The following ELAC1 variants were observed in gnomAD, a reference collection of about 807,000 sequenced individuals.
The protein encoded by ELAC1 is elaC ribonuclease Z 1.
A neutral mutation model predicts 25.8 loss-of-function variants in ELAC1; 19 were observed. That is an observed-to-expected ratio of 0.74 (90% CI 0.51 to 1.08). The LOEUF is 1.08. ELAC1 is among the 50% of genes least tolerant of loss of function. ELAC1 has a pLI of 0.00. For synonymous variants in ELAC1, 148 were observed against 160.9 expected (o/e 0.92, Z 0.61); for missense variants, 403 against 434.6 (o/e 0.93, Z 0.65).
At position 50,987,141 on chromosome 18, in the gene ELAC1, A is replaced by C; in HGVS notation, c.*56A>C. Reference sequence around the variant, plus strand: ...TCTGTGAATATGTTACTGAACCTATAGTCCAGTTTTTTTATTTCTTGTTTT... The same window carrying C: ...TCTGTGAATATGTTACTGAACCTATCGTCCAGTTTTTTTATTTCTTGTTTT... On this transcript the variant is annotated 3_prime_UTR_variant, in exon 4 of 4. Coordinates refer to ENST00000269466, the MANE Select transcript of ELAC1 (RefSeq NM_018696.3). The C allele has an allele frequency of 8.0e-7, 1 of 1,250,666 alleles. No individual in the cohort carries two copies. 77.5% of individuals were successfully genotyped at this position (1,250,666 alleles called of 1,614,324 possible). A position where few individuals can be genotyped will look rare whatever the true frequency, so the allele number is the denominator to read the frequency against.
Position 50,987,131 on chromosome 18 carries a change from C to T in ELAC1, c.*46C>T. The T allele has an allele frequency of 7.4e-7, 1 of 1,349,272 alleles. No individual in the cohort carries two copies. The highest frequency in any genetic ancestry group is 1.0e-6 in the Non-Finnish European group (1 of 998,342). The allele number at this position is 1,349,272 out of a possible 1,614,324, so 83.6% of individuals were successfully genotyped here. A position where few individuals can be genotyped will look rare whatever the true frequency, so the allele number is the denominator to read the frequency against. On this transcript the variant is annotated 3_prime_UTR_variant, in exon 4 of 4. Transcript: ENST00000269466. ...CACTGACATGTCTGTGAATATGTTA[C>T]TGAACCTATAGTCCAGTTTTTTTAT...
chr18:50,973,654 C>T (rs1907720882), intron 1 of ELAC1, among the ~76,000 whole-genome samples: 1 of 152,170 alleles, frequency 6.6e-6, no homozygotes, highest in South Asian at 2.1e-4. Context: ...AATACCATCT[C>T]TTGCCCTGTA....
At chr18:50,985,230 T>C (rs1025143196) in intron 3 of ELAC1, among the ~76,000 whole-genome samples, 4 of 152,224 alleles carry the variant, frequency 2.6e-5, no homozygotes, top group Admixed American at 2.0e-4. Flanking sequence ...TGATACGTGT[T>C]TTTGATGACA....
At position 50,986,827 on chromosome 18, in the gene ELAC1, G is replaced by A. The variant is rs750639074; in HGVS notation, c.834G>A (p.Leu278=). ...EADLLIHEAT[L]DDAQMDKAKE... ...ACCTGTTGATCCACGAAGCAACCCT[G>A]GATGATGCCCAGATGGACAAAGCAA... The change falls in exon 4 of 4, where the codon CTG becomes CTA. Residue 278 remains leucine (L), a synonymous_variant. Transcript: ENST00000269466. 3 of 1,614,142 alleles carry A rather than the reference G, an allele frequency of 1.9e-6. No individual in the cohort carries two copies. The South Asian group carries it at 3.3e-5, about 18-fold the overall frequency.
rs1159129707 is a variant in ELAC1, at chr18:50,968,092, C to T, written c.-31C>T. ...TGCGGGCCTGCGCCTCCCTCGGCTC[C>T]TGGCGCGGGCCTCGGGGAGAGGGTG... On this transcript the variant is annotated 5_prime_UTR_variant, in exon 1 of 4. Coordinates refer to ENST00000269466, the MANE Select transcript of ELAC1 (RefSeq NM_018696.3). The T allele has an allele frequency of 6.6e-6, 1 of 152,084 alleles. No individual in the cohort carries two copies. The highest frequency in any genetic ancestry group is 1.5e-5 in the Non-Finnish European group (1 of 68,028). 9.4% of individuals were successfully genotyped at this position (152,084 alleles called of 1,614,324 possible).
intron 1 of ELAC1, chr18:50,968,324 C>T (rs934412839): frequency 6.6e-6 from 1 of 152,230 alleles, no homozygotes; most frequent in African/African-American, 2.4e-5. Flanking sequence ...TCGAGGCCAA[C>T]ACGGTCTCGT....
chr18:50,971,092 G>C (rs1907639127), intron 1 of ELAC1, among the ~76,000 whole-genome samples: 1 of 152,166 alleles, frequency 6.6e-6, no homozygotes, highest in Admixed American at 6.5e-5. Context: ...GACATTTTTA[G>C]ATTGCTTTCA....
Position 50,986,906 on chromosome 18 carries a change from C to T in ELAC1, c.913C>T (p.Arg305Cys), listed in dbSNP as rs776088986. 3.0e-5 allele frequency: 48 copies of T among 1,613,588 alleles called. No homozygotes were observed. Among genetic ancestry groups the T allele is most frequent in the Admixed American group, 1.8e-4 (11 of 59,952 alleles). The change falls in exon 4 of 4, where the codon CGT (arginine) becomes TGT (cysteine). Residue 305 changes from arginine (R) to cysteine (C), a missense_variant. Coordinates refer to ENST00000269466, the MANE Select transcript of ELAC1 (RefSeq NM_018696.3). ...GGCAGCAACATTTGCAAAGTTGTGC[C>T]GTGCAAAGAGGCTGGTTCTGACTCA... ...QMAATFAKLC[R>C]AKRLVLTHFS...
intron 1 of ELAC1, among the ~76,000 whole-genome samples, chr18:50,971,539 C>T (rs917590950): frequency 1.3e-5 from 2 of 152,000 alleles, no homozygotes; most frequent in Admixed American, 6.6e-5. Context: ...AAGCACATGC[C>T]TCCATGTCCA....
chr18:50,973,665 T>G (rs773950003), intron 1 of ELAC1, among the ~76,000 whole-genome samples: 3 of 152,214 alleles, frequency 2.0e-5, no homozygotes, highest in Non-Finnish European at 4.4e-5. Flanking sequence ...TTGCCCTGTA[T>G]CTCAACTAGA....
In ELAC1 at chr18:50,984,203, C is replaced by G; in HGVS notation, c.265C>G (p.Gln89Glu). ...GCAGAGTGGCTCCATGGTGTCCAAA[C>G]AGCCTATTGAAATCTATGGCCCTGT... ...SLQSGSMVSKQPIEIYGPVGL... is the reference protein window; with the variant it reads ...SLQSGSMVSKEPIEIYGPVGL... The change falls in exon 3 of 4, where the codon CAG (glutamine) becomes GAG (glutamate). Residue 89 changes from glutamine to glutamate, a missense_variant. Coordinates refer to ENST00000269466, the MANE Select transcript of ELAC1 (RefSeq NM_018696.3). 1 of 1,614,182 alleles carries G rather than the reference C, an allele frequency of 6.2e-7. No individual in the cohort carries two copies. The highest frequency in any genetic ancestry group is 8.5e-7 in the Non-Finnish European group (1 of 1,180,030).
At chr18:50,969,114 A>G (rs781631928) in intron 1 of ELAC1, 15 of 152,202 alleles carry the variant, frequency 9.9e-5, no homozygotes, top group Non-Finnish European at 1.9e-4. Context: ...ACCCTCTACT[A>G]TCCAGTCAGC....
intron 1 of ELAC1, among the ~76,000 whole-genome samples, chr18:50,970,833 C>G (rs1907631864): frequency 6.6e-6 from 1 of 151,924 alleles, no homozygotes; most frequent in Admixed American, 6.6e-5. Flanking sequence ...TTTAATTACC[C>G]CTGAGATAAC....
intron 1 of ELAC1, chr18:50,968,675 C>T (rs1165883324): frequency 6.6e-6 from 1 of 152,212 alleles, no homozygotes; most frequent in Non-Finnish European, 1.5e-5. Flanking sequence ...ATATGCACTT[C>T]GCCGAACGTG....
intron 1 of ELAC1, among the ~76,000 whole-genome samples, chr18:50,970,999 G>A (rs1209723198): frequency 6.6e-6 from 1 of 152,150 alleles, no homozygotes; most frequent in African/African-American, 2.4e-5. Context: ...AGTTACAGAA[G>A]ACTCTATTAG....
At chr18:50,980,202 T>C (rs1907907099) in intron 2 of ELAC1, among the ~76,000 whole-genome samples, 1 of 151,712 alleles carries the variant, frequency 6.6e-6, no homozygotes, top group Admixed American at 6.6e-5. Flanking sequence ...GTGGTCCCAG[T>C]GGGAGGCTGA....
chr18:50,972,146 C>G (rs925656879), intron 1 of ELAC1, among the ~76,000 whole-genome samples: 1 of 149,472 alleles, frequency 6.7e-6, no homozygotes, highest in African/African-American at 2.5e-5. Context: ...TTTAAAGTTT[C>G]TGGATTTTAT....
chr18:50,980,579 A>G (rs933623947), intron 2 of ELAC1, among the ~76,000 whole-genome samples: 2 of 151,910 alleles, frequency 1.3e-5, no homozygotes, highest in African/African-American at 2.4e-5. Context: ...CCTGGCCAAC[A>G]TGGTGAAACC....
intron 2 of ELAC1, among the ~76,000 whole-genome samples, chr18:50,978,913 A>G (rs1179855799): frequency 6.6e-6 from 1 of 152,220 alleles, no homozygotes; most frequent in Non-Finnish European, 1.5e-5. Context: ...GTAGTTATAT[A>G]CTGTCTTGTG....
Sources: allele counts gnomAD v4.1 joint callset (sites outside exome capture counted in the v4.1 genomes callset), GRCh38; gene constraint gnomAD v4.1.1; transcripts MANE v1.5; gene names NCBI Gene and HGNC (gene_info 2026-07-23, HGNC 2026-07-21).